NEGR1: variants seen among roughly 807,000 people sequenced by gnomAD.
NEGR1 encodes the protein IgLON family member 4.
A neutral mutation model predicts 40.9 loss-of-function variants in NEGR1; 10 were observed. That is an observed-to-expected ratio of 0.24 (90% CI 0.15 to 0.42). NEGR1 has a LOEUF of 0.42. NEGR1 is among the 10% of genes least tolerant of loss of function. The pLI is 1.00. For missense variants in NEGR1, 352 were observed against 438.9 expected (o/e 0.80, Z 1.77); for synonymous variants, 185 against 166.8 (o/e 1.11, Z -0.84).
At chr1:71,852,867 T>A (rs1659650053) in intron 2 of NEGR1, among the ~76,000 whole-genome samples, 3 of 143,058 alleles carry the variant, frequency 2.1e-5, no homozygotes, top group Admixed American at 7.0e-5. Flanking sequence ...CTGGAAAAAA[T>A]GGACAAAGAG....
intron 1 of NEGR1, among the ~76,000 whole-genome samples, chr1:72,213,510 A>G (rs2100467135): frequency 6.6e-6 from 1 of 152,114 alleles, no homozygotes; most frequent in Middle Eastern, 3.4e-3. Flanking sequence ...ACTTTCAATC[A>G]TATCTTCAGT....
intron 2 of NEGR1, among the ~76,000 whole-genome samples, chr1:71,843,473 C>G (rs1001027531): frequency 6.6e-6 from 1 of 152,072 alleles, no homozygotes; most frequent in Non-Finnish European, 1.5e-5. Flanking sequence ...TTCCCAGTTA[C>G]GTGCTGACTG....
At chr1:72,114,423 TA>T (rs1432443302) in intron 1 of NEGR1, among the ~76,000 whole-genome samples, 5 of 151,688 alleles carry the variant, frequency 3.3e-5, no homozygotes, top group African/African-American at 1.2e-4. Flanking sequence ...GCCAATTCCT[TA>T]AAATAAATCG....
chr1:71,503,773 T>C (rs1417024989), intron 6 of NEGR1, among the ~76,000 whole-genome samples: 1 of 151,962 alleles, frequency 6.6e-6, no homozygotes, highest in African/African-American at 2.4e-5. Flanking sequence ...GGACCCAGCT[T>C]TTACACATGG....
intron 6 of NEGR1, among the ~76,000 whole-genome samples, chr1:71,438,570 A>G (rs6424429): frequency 0.55 from 83,969 of 151,988 alleles, 23,414 homozygotes; most frequent in South Asian, 0.59. Flanking sequence ...GTTTGTTTGA[A>G]GGGCATTTTT....
chr1:71,416,165 A>C (rs1283150014), intron 6 of NEGR1, among the ~76,000 whole-genome samples: 1 of 152,190 alleles, frequency 6.6e-6, no homozygotes, highest in Non-Finnish European at 1.5e-5. Context: ...AAAACATGGG[A>C]GAAATTGCAA....
chr1:71,882,405 T>C (rs980863834), intron 2 of NEGR1, among the ~76,000 whole-genome samples: 5 of 152,090 alleles, frequency 3.3e-5, no homozygotes, highest in African/African-American at 1.2e-4. Context: ...CTAAGGGCTT[T>C]ATTATTAATG....
At chr1:71,694,177 G>A (rs1653393658) in intron 4 of NEGR1, among the ~76,000 whole-genome samples, 1 of 151,598 alleles carries the variant, frequency 6.6e-6, no homozygotes, top group South Asian at 2.1e-4. Flanking sequence ...CAAATAAAAT[G>A]GGGAATCTGT....
At chr1:71,928,023 TAAATAC>T (rs1218633825) in intron 2 of NEGR1, among the ~76,000 whole-genome samples, 7 of 90,314 alleles carry the variant, frequency 7.8e-5, no homozygotes, top group African/African-American at 3.1e-4. Context: ...AATAAATAAA[TAAATAC>T]ACACACACAC....
At chr1:71,985,959 G>A (rs555448603) in intron 1 of NEGR1, among the ~76,000 whole-genome samples, 1 of 152,250 alleles carries the variant, frequency 6.6e-6, no homozygotes, top group Admixed American at 6.5e-5. Context: ...TCATGAGAAG[G>A]AAACTGGAAA....
At chr1:71,904,408 A>C (rs1391709012) in intron 2 of NEGR1, among the ~76,000 whole-genome samples, 1 of 152,096 alleles carries the variant, frequency 6.6e-6, no homozygotes, top group Non-Finnish European at 1.5e-5. Flanking sequence ...GATACTATAC[A>C]TCACTATCAT....
At chr1:72,261,985 A>C (rs1179968144) in intron 1 of NEGR1, among the ~76,000 whole-genome samples, 1 of 152,022 alleles carries the variant, frequency 6.6e-6, no homozygotes, top group Non-Finnish European at 1.5e-5. Flanking sequence ...TATGTAACAA[A>C]ATTGCACTTG....
At chr1:71,727,818 C>T (rs1282205742) in intron 3 of NEGR1, among the ~76,000 whole-genome samples, 1 of 152,016 alleles carries the variant, frequency 6.6e-6, no homozygotes, top group East Asian at 1.9e-4. Context: ...AAGGGACAGT[C>T]CTTAATCTGC....
Position 71,400,450 on chromosome 1 carries a change from A to AG in NEGR1, c.*6995_*6996insC, listed in dbSNP as rs1646239398. 2.0e-5 allele frequency: 3 copies of AG among 152,182 alleles called. No individual in the cohort carries two copies. The highest frequency in any genetic ancestry group is 7.2e-5 in the African/African-American group (3 of 41,452). The allele number at this position is 152,182 out of a possible 1,614,324, so 9.4% of individuals were successfully genotyped here. ...TTAAATGCCCCTGTGACAAAAAAAAAAAGACTTTTTCTGTTAATTCTTTTT... is the reference window on the plus strand; with the variant it reads ...TTAAATGCCCCTGTGACAAAAAAAAAGAAGACTTTTTCTGTTAATTCTTTTT... On this transcript the variant is annotated 3_prime_UTR_variant, in exon 7 of 7. Coordinates refer to ENST00000357731, the MANE Select transcript of NEGR1 (RefSeq NM_173808.3).
chr1:71,986,420 A>T (rs1045205815), intron 1 of NEGR1, among the ~76,000 whole-genome samples: 1 of 152,178 alleles, frequency 6.6e-6, no homozygotes, highest in Non-Finnish European at 1.5e-5. Flanking sequence ...TCCTTCTGGC[A>T]TGTCTGGTCT....
intron 1 of NEGR1, among the ~76,000 whole-genome samples, chr1:72,031,367 C>G (rs182514865): frequency 9.2e-5 from 14 of 152,324 alleles, no homozygotes; most frequent in Non-Finnish European, 2.9e-5. Flanking sequence ...TCCAGCCCCA[C>G]TTTACTCAGG....
chr1:71,675,979 T>C (rs541622754), intron 4 of NEGR1, among the ~76,000 whole-genome samples: 1 of 152,228 alleles, frequency 6.6e-6, no homozygotes, highest in Admixed American at 6.5e-5. Flanking sequence ...TTTTAGTTTC[T>C]ATACAGATAC....
At chr1:71,638,862 C>T (rs1430037722) in intron 4 of NEGR1, among the ~76,000 whole-genome samples, 4 of 151,798 alleles carry the variant, frequency 2.6e-5, no homozygotes, top group African/African-American at 9.7e-5. Flanking sequence ...GCCCTTTTCC[C>T]CCATATTCAA....
At chr1:72,274,527 C>G in intron 1 of NEGR1, 1 of 693,948 alleles carries the variant, frequency 1.4e-6, no homozygotes. Context: ...TATCGGTATC[C>G]CAATGTTTGT....
Sources: gnomAD v4.1 joint callset for allele counts (sites outside exome capture counted in the v4.1 genomes callset) on GRCh38, gnomAD v4.1.1 for gene constraint, MANE v1.5 for transcripts, NCBI Gene and HGNC (gene_info 2026-07-23, HGNC 2026-07-21) for gene names.